Variants in ADARB1 observed in about 807,000 individuals in gnomAD.
ADARB1 encodes the protein double-stranded RNA-specific editase 1.
A neutral mutation model predicts 52.4 loss-of-function variants in ADARB1; 10 were observed. That is an observed-to-expected ratio of 0.19 (90% CI 0.12 to 0.32). The LOEUF (loss-of-function observed/expected upper bound fraction) is 0.32, where lower values mean the gene tolerates loss of function less well. Ranked by LOEUF, ADARB1 falls within the 10% of genes least tolerant of loss-of-function variation. ADARB1 has a pLI of 1.00. For synonymous variants in ADARB1, 349 were observed against 371.1 expected, an observed-to-expected ratio of 0.94 and a Z score of 0.68; for missense variants, 643 against 922.3, an observed-to-expected ratio of 0.70 and a Z score of 3.92.
rs1459658533 is a variant in ADARB1, at chr21:45,224,099, A to G, written c.*1902A>G. ...CCAAGCAGGCTCTTGCACACTCTAG[A>G]AAAAACACCTTGTAAGTCTGTGCAT... On this transcript the variant is annotated 3_prime_UTR_variant, in exon 11 of 11. Coordinates refer to ENST00000348831, the MANE Select transcript of ADARB1 (RefSeq NM_001112.4). 1 of 985,282 alleles carries G rather than the reference A, an allele frequency of 1.0e-6. No individual in the cohort carries two copies. Among genetic ancestry groups the G allele is most frequent in the Non-Finnish European group, 1.2e-6 (1 of 829,948 alleles). The allele number at this position is 985,282 out of a possible 1,614,324, so 61.0% of individuals were successfully genotyped here. A position where few individuals can be genotyped will look rare whatever the true frequency, so the allele number is the denominator to read the frequency against.
chr21:45,133,150 C>G (rs1170265066), intron 2 of ADARB1, among the ~76,000 whole-genome samples: 2 of 152,244 alleles, frequency 1.3e-5, no homozygotes, highest in African/African-American at 4.8e-5. Context: ...GAAGCCTGAG[C>G]CCCTGATTCT....
At chr21:45,138,094 A>G (rs1445991511) in intron 2 of ADARB1, among the ~76,000 whole-genome samples, 1 of 152,112 alleles carries the variant, frequency 6.6e-6, no homozygotes, top group Non-Finnish European at 1.5e-5. Flanking sequence ...AGATATTTGT[A>G]TTTCTATATT....
At chr21:45,189,200 A>T (rs8126726) in intron 8 of ADARB1, among the ~76,000 whole-genome samples, 103,107 of 150,688 alleles carry the variant, frequency 0.68, 35,704 homozygotes, top group African/African-American at 0.81. Context: ...CATTTATTTT[A>T]TTTTTTCCTT....
At chr21:45,104,031 G>A (rs2087140522) in intron 1 of ADARB1, among the ~76,000 whole-genome samples, 1 of 152,140 alleles carries the variant, frequency 6.6e-6, no homozygotes, top group Non-Finnish European at 1.5e-5. Context: ...GTCAGTGACG[G>A]TTGATCTCCA....
intron 3 of ADARB1, 36 bp downstream of exon 3, chr21:45,171,720 T>C (rs766908087): frequency 1.3e-6 from 2 of 1,570,672 alleles, no homozygotes; most frequent in South Asian, 2.3e-5. Context: ...ATCAGATAGC[T>C]AATTTTATGT....
At chr21:45,097,300 G>A (rs2086805052) in intron 1 of ADARB1, among the ~76,000 whole-genome samples, 1 of 152,196 alleles carries the variant, frequency 6.6e-6, no homozygotes, top group Admixed American at 6.5e-5. Flanking sequence ...AGCCTGGTGT[G>A]CAAATGAGGG....
intron 2 of ADARB1, among the ~76,000 whole-genome samples, chr21:45,170,609 G>T (rs939604105): frequency 4.6e-5 from 7 of 151,606 alleles, no homozygotes; most frequent in Non-Finnish European, 8.8e-5. Context: ...TATGATATTT[G>T]ATATAGATAT....
chr21:45,221,086 T>C lies in ADARB1; in HGVS notation c.1926+72T>C. 6.8e-7 allele frequency: 1 copy of C among 1,474,338 alleles called. No individual in the cohort carries two copies. The highest frequency in any genetic ancestry group is 1.4e-5 in the African/African-American group (1 of 71,702). 91.3% of individuals were successfully genotyped at this position (1,474,338 alleles called of 1,614,324 possible). A position where few individuals can be genotyped will look rare whatever the true frequency, so the allele number is the denominator to read the frequency against. On this transcript the variant is annotated intron_variant, in intron 10 of 10. Transcript: ENST00000348831. The surrounding 1 kb of genome is among the most constrained non-coding windows in gnomAD (Gnocchi z 4.9). Reference sequence around the variant, plus strand: ...AGCTTGTCTGTCCTCACACCTACTGTTCCTTAAGTTGTTTCATCATGTCAT... The same window carrying C: ...AGCTTGTCTGTCCTCACACCTACTGCTCCTTAAGTTGTTTCATCATGTCAT...
At position 45,074,598 on chromosome 21, in the gene ADARB1, TGGC is replaced by T. The variant is rs920665976; in HGVS notation, c.-393_-391del. ...CGGGGCTGAGGCGCTGAGGCGGCCG[TGGC>T]GGCGGCGGCGGCGGCGGCGGCAGCG... is the stretch of plus-strand genomic sequence containing the variant. On this transcript the variant is annotated 5_prime_UTR_variant, in exon 1 of 11. Coordinates refer to ENST00000348831, the MANE Select transcript of ADARB1 (RefSeq NM_001112.4). 1,783 of 145,084 alleles carry T rather than the reference TGGC, an allele frequency of 0.012. 38 individuals are homozygous for T. The highest frequency in any genetic ancestry group is 0.04 in the African/African-American group (1,581 of 39,946). The allele number at this position is 145,084 out of a possible 1,614,324, so 9.0% of individuals were successfully genotyped here.
rs1001259657 is a variant in ADARB1 at position 45,142,412 on chromosome 21, G to C, written c.-48+13839G>C. On this transcript the variant is annotated intron_variant, in intron 2 of 10. Coordinates refer to ENST00000348831, the MANE Select transcript of ADARB1 (RefSeq NM_001112.4). This position sits in a 1 kb window ranked among gnomAD's most constrained non-coding sequence, Gnocchi z 4.0. Reference sequence around the variant, plus strand: ...GTAGACTGAAAGTTATACTTAGTCTGTTCTGTTTGAAACCATTCTCATTCA... The same window carrying C: ...GTAGACTGAAAGTTATACTTAGTCTCTTCTGTTTGAAACCATTCTCATTCA... Among the ~76,000 whole-genome samples, 3 of 152,332 alleles carry C rather than the reference G, an allele frequency of 2.0e-5. No homozygotes were observed. In the East Asian group the frequency reaches 5.8e-4, roughly 29 times the overall value.
chr21:45,185,103 G>A lies in ADARB1; in HGVS notation c.1565+12G>A, dbSNP rs777393125. On this transcript the variant is annotated intron_variant, in intron 8 of 10. Coordinates refer to ENST00000348831, the MANE Select transcript of ADARB1 (RefSeq NM_001112.4). ...GACAAGATTGCACGGTAAGGGGCGG[G>A]GGCTCCCTGTGGCCACCTCCCTGCA... is the stretch of plus-strand genomic sequence containing the variant. 16 of 1,612,136 alleles carry A rather than the reference G, an allele frequency of 9.9e-6. No individual in the cohort carries two copies. Among genetic ancestry groups the A allele is most frequent in the African/African-American group, 1.3e-5 (1 of 75,006 alleles).
intron 2 of ADARB1, among the ~76,000 whole-genome samples, chr21:45,154,086 G>T (rs1331682181): frequency 1.3e-5 from 2 of 152,122 alleles, no homozygotes; most frequent in South Asian, 4.2e-4. Flanking sequence ...TCATTCTTTT[G>T]GAATTTACTG....
At chr21:45,175,456 A>G (rs2091653104) in intron 3 of ADARB1, among the ~76,000 whole-genome samples, 1 of 152,224 alleles carries the variant, frequency 6.6e-6, no homozygotes, top group Non-Finnish European at 1.5e-5. Flanking sequence ...AAGAAAAAAA[A>G]TTATTTAAAG....
chr21:45,099,084 A>G (rs973442992), intron 1 of ADARB1, among the ~76,000 whole-genome samples: 1 of 152,190 alleles, frequency 6.6e-6, no homozygotes, highest in African/African-American at 2.4e-5. Flanking sequence ...TAGAGGTGAC[A>G]TGTGATAGAT....
At chr21:45,109,794 C>G (rs969266366) in intron 1 of ADARB1, among the ~76,000 whole-genome samples, 11 of 152,196 alleles carry the variant, frequency 7.2e-5, no homozygotes, top group Non-Finnish European at 1.6e-4. Context: ...AGCCAAATCA[C>G]GCTGGTTTTA....
At chr21:45,081,291 C>T (rs1395893557) in intron 1 of ADARB1, among the ~76,000 whole-genome samples, 1 of 152,112 alleles carries the variant, frequency 6.6e-6, no homozygotes, top group African/African-American at 2.4e-5. Context: ...AGGCAGACAC[C>T]GTGCCTCACA....
Position 45,101,787 on chromosome 21 carries a change from C to G in ADARB1, c.-219-26615C>G, listed in dbSNP as rs533277686. Among the ~76,000 whole-genome samples, 43 of 152,294 alleles carry G rather than the reference C, an allele frequency of 2.8e-4. No individual in the cohort carries two copies. In the South Asian group the frequency reaches 8.9e-3, roughly 32 times the overall value. On this transcript the variant is annotated intron_variant, in intron 1 of 10. Transcript: ENST00000348831. Reference sequence around the variant, plus strand: ...AGCACACCAGTCTTGCTGACTATTACGTGGGAGATGAGTGCTGCTTAAAAT... The same window carrying G: ...AGCACACCAGTCTTGCTGACTATTAGGTGGGAGATGAGTGCTGCTTAAAAT...
chr21:45,209,762 A>G (rs1295089998), intron 9 of ADARB1, among the ~76,000 whole-genome samples: 2 of 152,176 alleles, frequency 1.3e-5, no homozygotes, highest in Non-Finnish European at 2.9e-5. Context: ...TTTCTTTCCT[A>G]CTTACTACCC....
intron 9 of ADARB1, among the ~76,000 whole-genome samples, chr21:45,211,223 C>G (rs1228293774): frequency 1.3e-5 from 2 of 152,164 alleles, no homozygotes; most frequent in African/African-American, 4.8e-5. Context: ...CAAGGGCTGC[C>G]CTTAAGACGA....
Sources: gnomAD v4.1 joint callset for allele counts (sites outside exome capture counted in the v4.1 genomes callset) on GRCh38, gnomAD v4.1.1 for gene constraint, Gnocchi (gnomAD v3.1) non-coding constraint, MANE v1.5 for transcripts, NCBI Gene and HGNC (gene_info 2026-07-23, HGNC 2026-07-21) for gene names.